Variants in STPG2 observed in about 807,000 individuals in gnomAD.
The protein encoded by STPG2 is sperm-tail PG-rich repeat-containing protein 2.
Under a neutral mutation model 54.2 loss-of-function variants are expected in STPG2, and 56 were observed. The observed-to-expected ratio is 1.03, with a 90% confidence interval of 0.83 to 1.29. The LOEUF is 1.29. STPG2 is among the 50% of genes most tolerant of loss of function. STPG2 has a pLI of 0.00. For missense variants in STPG2, 596 were observed against 544.9 expected (o/e 1.09, Z -0.93); for synonymous variants, 200 against 181.8 (o/e 1.10, Z -0.81).
chr4:97,992,174 A>T (rs1354604589), intron 5 of STPG2, among the ~76,000 whole-genome samples: 5 of 152,184 alleles, frequency 3.3e-5, no homozygotes, highest in African/African-American at 1.2e-4. Flanking sequence ...GTCTTTGCCT[A>T]GGCTAACGTC....
downstream of STPG2, among the ~76,000 whole-genome samples, chr4:97,558,401 C>T (rs918645396): frequency 1.3e-5 from 2 of 152,114 alleles, no homozygotes; most frequent in Non-Finnish European, 2.9e-5. Flanking sequence ...CCTGGTGATT[C>T]GCCCTTAAGG....
chr4:97,818,176 A>G (rs1322291226), intron 9 of STPG2, among the ~76,000 whole-genome samples: 1 of 151,920 alleles, frequency 6.6e-6, no homozygotes, highest in Non-Finnish European at 1.5e-5. Flanking sequence ...GATGTTTGAG[A>G]AAAGCTCTCT....
At position 97,547,500 on chromosome 4, in the gene STPG2, G is replaced by A. The variant is rs144567341; in HGVS notation, c.462+165199C>T. ...GCTGGGATTACAGGCGTGAGCCACC[G>A]CGCCCGGCCTTTTAAATGGCTTTAA... On this transcript the variant is annotated intron_variant, in intron 4 of 4. Transcript: ENST00000522676. Among the ~76,000 whole-genome samples the A allele has an allele frequency of 1.3e-3, 203 of 152,188 alleles. 4 individuals carry two copies. In the East Asian group the frequency reaches 0.032, roughly 24 times the overall value.
chr4:98,095,665 T>C (rs1262018833), intron 5 of STPG2, among the ~76,000 whole-genome samples: 5 of 152,162 alleles, frequency 3.3e-5, no homozygotes, highest in African/African-American at 1.2e-4. Context: ...AACACAGATA[T>C]ATAAAGCAAA....
At chr4:97,956,484 C>CT (rs1479209306) in intron 7 of STPG2, among the ~76,000 whole-genome samples, 1 of 152,078 alleles carries the variant, frequency 6.6e-6, no homozygotes, top group Non-Finnish European at 1.5e-5. Flanking sequence ...AGACCATGAA[C>CT]TTTTGCTCCA....
At chr4:97,831,593 T>C (rs1012483996) in intron 9 of STPG2, among the ~76,000 whole-genome samples, 2 of 152,136 alleles carry the variant, frequency 1.3e-5, no homozygotes, top group African/African-American at 4.8e-5. Context: ...GAGCTGCTTT[T>C]TTGAAAAGAT....
intron 9 of STPG2, among the ~76,000 whole-genome samples, chr4:97,808,381 TAA>T (rs924785901): frequency 2.6e-5 from 4 of 151,952 alleles, no homozygotes; most frequent in Non-Finnish European, 5.9e-5. Flanking sequence ...AGGAATAAGA[TAA>T]AAGTCATCAA....
intron 9 of STPG2, among the ~76,000 whole-genome samples, chr4:97,736,501 C>A (rs1458256514): frequency 6.6e-6 from 1 of 152,148 alleles, no homozygotes; most frequent in Non-Finnish European, 1.5e-5. Flanking sequence ...GGGTCACTCC[C>A]ACCCCATTAC....
At chr4:97,993,525 G>C (rs996713577) in intron 5 of STPG2, among the ~76,000 whole-genome samples, 1 of 149,844 alleles carries the variant, frequency 6.7e-6, no homozygotes, top group Non-Finnish European at 1.5e-5. Flanking sequence ...CAGGGATATT[G>C]GTCTTTAGTT....
At chr4:97,832,837 A>G (rs1320344617) in intron 9 of STPG2, among the ~76,000 whole-genome samples, 1 of 152,200 alleles carries the variant, frequency 6.6e-6, no homozygotes, top group African/African-American at 2.4e-5. Flanking sequence ...AGTACTACAA[A>G]CCACTGCTCA....
At chr4:97,560,920 T>G (rs1732216579) in intron 10 of STPG2, among the ~76,000 whole-genome samples, 2 of 152,188 alleles carry the variant, frequency 1.3e-5, no homozygotes, top group African/African-American at 4.8e-5. Flanking sequence ...TACATGTGCA[T>G]GTGTCTTTAT....
chr4:97,539,483 G>A (rs1397594275), intron 4 of STPG2, among the ~76,000 whole-genome samples: 1 of 152,200 alleles, frequency 6.6e-6, no homozygotes. Flanking sequence ...AATTCAACAA[G>A]AAGATCTAAC....
chr4:98,030,037 C>G (rs1254106287), intron 5 of STPG2, among the ~76,000 whole-genome samples: 3 of 152,172 alleles, frequency 2.0e-5, no homozygotes, highest in African/African-American at 7.2e-5. Context: ...CCACTGGACC[C>G]CAGAAACTTC....
chr4:97,488,388 C>G (rs1040708438), intron 4 of STPG2, among the ~76,000 whole-genome samples: 1 of 151,666 alleles, frequency 6.6e-6, no homozygotes, highest in African/African-American at 2.4e-5. Context: ...AACTGAGGAA[C>G]AGAAAGATTA....
chr4:97,825,531 T>G (rs989544204), intron 9 of STPG2, among the ~76,000 whole-genome samples: 2 of 152,122 alleles, frequency 1.3e-5, no homozygotes, highest in Non-Finnish European at 2.9e-5. Flanking sequence ...GGTATAAAAA[T>G]GGGACCCTTA....
chr4:98,114,791 G>C (rs2110149860), intron 3 of STPG2, among the ~76,000 whole-genome samples: 1 of 151,264 alleles, frequency 6.6e-6, no homozygotes, highest in East Asian at 1.9e-4. Context: ...GTGTGTGTGT[G>C]TCTACAATAA....
intron 9 of STPG2, among the ~76,000 whole-genome samples, chr4:97,766,132 T>C (rs1456039734): frequency 6.6e-6 from 1 of 152,104 alleles, no homozygotes; most frequent in African/African-American, 2.4e-5. Context: ...TAAACTAATA[T>C]GATCTCTATT....
chr4:97,619,719 G>A (rs550101595), intron 10 of STPG2, among the ~76,000 whole-genome samples: 5 of 151,800 alleles, frequency 3.3e-5, no homozygotes, highest in South Asian at 4.2e-4. Context: ...AAGAAGCTTC[G>A]AATACCCCTT....
At chr4:98,126,217 G>C (rs1182441085) in intron 3 of STPG2, among the ~76,000 whole-genome samples, 1 of 152,146 alleles carries the variant, frequency 6.6e-6, no homozygotes, top group African/African-American at 2.4e-5. Context: ...CTTCCTACAG[G>C]AGTGGATGAT....
Sources: allele counts gnomAD v4.1 joint callset (sites outside exome capture counted in the v4.1 genomes callset), GRCh38; gene constraint gnomAD v4.1.1; transcripts MANE v1.5; gene names NCBI Gene and HGNC (gene_info 2026-07-23, HGNC 2026-07-21).